Variants in CNGA2 observed in about 807,000 individuals in gnomAD.
CNGA2 encodes the protein cyclic nucleotide-gated channel alpha-2.
A neutral mutation model predicts 35.9 loss-of-function variants in CNGA2; 22 were observed. The observed-to-expected ratio is 0.61, with a 90% CI of 0.44 to 0.88. The LOEUF (loss-of-function observed/expected upper bound fraction) is 0.88, where lower values mean the gene tolerates loss of function less well. Among genes scored for constraint, CNGA2 ranks in the 40% least tolerant of loss-of-function variants. The pLI, the probability that CNGA2 is intolerant of heterozygous loss-of-function variation, is 0.00. For missense variants in CNGA2, 555 were observed against 530.8 expected (o/e 1.05, Z -0.45); for synonymous variants, 217 against 209.2 (o/e 1.04, Z -0.32).
intron 1 of CNGA2, among the ~76,000 whole-genome samples, chrX:151,736,924 C>T (rs928718658): frequency 1.8e-4 from 20 of 111,835 alleles, no homozygotes; most frequent in African/African-American, 5.8e-4. Flanking sequence ...GCTTTGTTTG[C>T]ATTGCCTGAA....
intron 5 of CNGA2, among the ~76,000 whole-genome samples, chrX:151,741,494 C>T (rs188023109): frequency 8.9e-6 from 1 of 112,371 alleles, no homozygotes; most frequent in East Asian, 2.8e-4. Flanking sequence ...TGACTGAGCA[C>T]CTCATGTGTG....
At position 151,744,807 on chromosome X, in the gene CNGA2, C is replaced by G. The variant is rs1603012233; in HGVS notation, c.*309C>G. On this transcript the variant is annotated 3_prime_UTR_variant, in exon 7 of 7. Transcript: ENST00000329903. The stretch of plus-strand genomic sequence containing the variant: ...CTCTTTTGCTCATAGCGACCCCTCC[C>G]TTGGTTCTGGCCCCCGCTTTTTCTA... 3.6e-6 allele frequency: 1 copy of G among 280,158 alleles called. No individual in the cohort carries two copies. The highest frequency in any genetic ancestry group is 6.3e-6 in the Non-Finnish European group (1 of 158,529). 23.1% of individuals were successfully genotyped at this position (280,158 alleles called of 1,213,427 possible).
At position 151,743,506 on chromosome X, in the gene CNGA2, C is replaced by T; in HGVS notation, c.1003C>T (p.Leu335Phe). The change falls in exon 7 of 7, where the codon CTC (leucine) becomes TTC (phenylalanine). Residue 335 changes from leucine to phenylalanine, a missense_variant. Transcript: ENST00000329903. ...TTGCCTTTACTGGTCCACACTGACT[C>T]TCACTACCATTGGGGAGACACCACC... Reference protein sequence around the residue: ...IYCLYWSTLTLTTIGETPPPV... With the variant: ...IYCLYWSTLTFTTIGETPPPV... 1 of 1,211,260 alleles carries T rather than the reference C, an allele frequency of 8.3e-7. No homozygotes were observed. Among genetic ancestry groups the T allele is most frequent in the East Asian group, 3.0e-5 (1 of 33,802 alleles).
intron 4 of CNGA2, 90 bp from the exon 5 acceptor site, chrX:151,740,704 C>A: frequency 1.4e-6 from 1 of 730,958 alleles, no homozygotes; most frequent in Non-Finnish European, 2.1e-6. Context: ...AGTGCTTTTG[C>A]TTTCTCAGGC....
At position 151,740,870 on chromosome X, in the gene CNGA2, G is replaced by C; in HGVS notation, c.451G>C (p.Val151Leu). The C allele has an allele frequency of 8.3e-7, 1 of 1,210,652 alleles. No individual in the cohort carries two copies. ...YCWLFVIAMP[V>L]LYNWCLLVAR... ...CTGGCTATTTGTCATTGCCATGCCC[G>C]TCCTTTACAACTGGTGCCTGCTGGT... The change falls in exon 5 of 7, where the codon GTC becomes CTC. Residue 151 changes from valine to leucine, a missense_variant. Physicochemically the swap from Val to Leu is conservative, Grantham distance 32. Transcript: ENST00000329903.
Position 151,744,252 on chromosome X carries a change from G to A in CNGA2, c.1749G>A (p.Leu583=), listed in dbSNP as rs996971527. The A allele has an allele frequency of 8.3e-7, 1 of 1,208,137 alleles. No homozygotes were observed. Among genetic ancestry groups the A allele is most frequent in the Admixed American group, 2.2e-5 (1 of 45,523 alleles). ...RGREILMKEG[L]LDENEVATSM... is the part of the protein sequence containing the mutation. ...GGGAGATCCTCATGAAGGAGGGACTGCTGGATGAGAACGAAGTGGCAACCA... is the reference window on the plus strand; with the variant it reads ...GGGAGATCCTCATGAAGGAGGGACTACTGGATGAGAACGAAGTGGCAACCA... Residue 583 remains leucine, a synonymous_variant, in exon 7 of 7, where the codon CTG becomes CTA. Coordinates refer to ENST00000329903, the MANE Select transcript of CNGA2 (RefSeq NM_005140.3).
Position 151,739,572 on chromosome X carries a change from C to T in CNGA2, c.214C>T (p.Leu72=), listed in dbSNP as rs1364721696. 2.5e-6 allele frequency: 3 copies of T among 1,211,252 alleles called. No individual in the cohort carries two copies. The highest frequency in any genetic ancestry group is 3.4e-6 in the Non-Finnish European group (3 of 895,227). Residue 72 remains leucine, a synonymous_variant, in exon 4 of 7, where the codon CTG becomes TTG. Transcript: ENST00000329903. ...TTCTCTCACCTCTAGGATAGTTCGC[C>T]TGGTGGGGATCATCAGAGAATGGGC... ...GRSGFRRIVR[L]VGIIREWANK...
chrX:151,739,761 A>G (rs767952209), intron 4 of CNGA2, 29 bp downstream of exon 4: 4 of 1,200,188 alleles, frequency 3.3e-6, no homozygotes, highest in Middle Eastern at 2.4e-4. Flanking sequence ...TGGGACTCAA[A>G]TGGGCTTTAA....
intron 1 of CNGA2, among the ~76,000 whole-genome samples, chrX:151,738,253 G>A (rs1474834348): frequency 9.0e-6 from 1 of 111,641 alleles, no homozygotes; most frequent in Non-Finnish European, 1.9e-5. Flanking sequence ...AGGGTTGGGG[G>A]AGTACCCTCA....
chrX:151,743,337 T>C lies in CNGA2; in HGVS notation c.834T>C (p.Leu278=). The change falls in exon 7 of 7, where the codon CTT becomes CTC. Residue 278 remains leucine, a synonymous_variant. Coordinates refer to ENST00000329903, the MANE Select transcript of CNGA2 (RefSeq NM_005140.3). The part of the protein sequence containing the change: ...NYPNIFRISN[L]VLYILVIIHW... ...CTAACATCTTCCGCATCAGCAACCT[T>C]GTCCTCTACATCTTGGTCATCATCC... 1 of 1,209,703 alleles carries C rather than the reference T, an allele frequency of 8.3e-7. No homozygotes were observed. Among genetic ancestry groups the C allele is most frequent in the East Asian group, 3.0e-5 (1 of 33,754 alleles).
At chrX:151,742,351 T>C (rs1260596202) in intron 5 of CNGA2, among the ~76,000 whole-genome samples, 185 bp from the exon 6 acceptor site, 1 of 111,019 alleles carries the variant, frequency 9.0e-6, no homozygotes, top group Non-Finnish European at 1.9e-5. Context: ...AGTGATGTTA[T>C]GTAATGAGGA....
At chrX:151,740,216 C>A (rs1158825319) in intron 4 of CNGA2, among the ~76,000 whole-genome samples, 1 of 112,289 alleles carries the variant, frequency 8.9e-6, no homozygotes, top group African/African-American at 3.2e-5. Flanking sequence ...AATGAGAAGG[C>A]AACTGCAGAT....
At chrX:151,742,451 C>A (rs955049459) in intron 5 of CNGA2, 85 bp from the exon 6 acceptor site, 1 of 689,419 alleles carries the variant, frequency 1.5e-6, no homozygotes, top group Non-Finnish European at 2.3e-6. Flanking sequence ...ATCCCAAGCC[C>A]TGCACACAGT....
intron 5 of CNGA2, 26 bp downstream of exon 5, chrX:151,740,927 G>A (rs1308629003): frequency 1.8e-6 from 2 of 1,137,581 alleles, no homozygotes; most frequent in Non-Finnish European, 2.4e-6. Flanking sequence ...CCCAGGAGGG[G>A]TGGCCAAAGC....
intron 4 of CNGA2, 57 bp downstream of exon 4, chrX:151,739,789 T>C: frequency 8.7e-7 from 1 of 1,143,096 alleles, no homozygotes; most frequent in Non-Finnish European, 1.2e-6. Flanking sequence ...ATGGAAGAGC[T>C]CACTGGGGTT....
Position 151,744,582 on chromosome X carries a change from C to T in CNGA2, c.*84C>T, listed in dbSNP as rs2015357463. The T allele has an allele frequency of 1.2e-6, 1 of 815,113 alleles. No individual in the cohort carries two copies. The highest frequency in any genetic ancestry group is 1.7e-6 in the Non-Finnish European group (1 of 576,871). The allele number at this position is 815,113 out of a possible 1,213,427, so 67.2% of individuals were successfully genotyped here. On this transcript the variant is annotated 3_prime_UTR_variant, in exon 7 of 7. Transcript: ENST00000329903. ...GGAGCTATTTAGATCTCCGGATTTA[C>T]ATGCATTACCCTCATGTTCCCTGAA...
At chrX:151,736,752 G>A (rs951466018) in intron 1 of CNGA2, among the ~76,000 whole-genome samples, 3 of 110,586 alleles carry the variant, frequency 2.7e-5, no homozygotes, top group Non-Finnish European at 3.8e-5. Context: ...ATGGGGTGGG[G>A]GAATCTGCCT....
rs1182871569 is a variant in CNGA2, at chrX:151,738,861, G to C, written c.185G>C (p.Gly62Ala). 8.5e-7 allele frequency: 1 copy of C among 1,174,168 alleles called. No homozygotes were observed. The highest frequency in any genetic ancestry group is 2.5e-5 in the Admixed American group (1 of 39,568). The part of the protein sequence containing the change: ...RLADVDAPQQ[G>A]RSGFRRIVRL... Reference sequence around the variant, plus strand: ...GCAGACGTGGATGCCCCACAGCAGGGAAGGAGTGGCTTCCGCAGGTGGGTC... The same window carrying C: ...GCAGACGTGGATGCCCCACAGCAGGCAAGGAGTGGCTTCCGCAGGTGGGTC... The change falls in exon 3 of 7, where the codon GGA becomes GCA. Residue 62 changes from glycine (G) to alanine (A), a missense_variant. Coordinates refer to ENST00000329903, the MANE Select transcript of CNGA2 (RefSeq NM_005140.3).
chrX:151,741,125 A>G (rs2015301814), intron 5 of CNGA2, among the ~76,000 whole-genome samples: 1 of 111,993 alleles, frequency 8.9e-6, no homozygotes, highest in African/African-American at 3.3e-5. Context: ...TTTGCAACAA[A>G]CATGCTTGAT....
Sources: gnomAD v4.1 joint callset for allele counts (sites outside exome capture counted in the v4.1 genomes callset) on GRCh38, gnomAD v4.1.1 for gene constraint, MANE v1.5 for transcripts, NCBI Gene and HGNC (gene_info 2026-07-23, HGNC 2026-07-21) for gene names.